KIF11: variants seen among roughly 807,000 people sequenced by gnomAD.
KIF11 encodes the protein kinesin family member 11, also known as kinesin-like protein KIF11.
In KIF11, 9 loss-of-function variants were observed where a neutral mutation model predicts 121.0. The observed-to-expected ratio is 0.07, with a 90% CI of 0.04 to 0.13. The LOEUF (loss-of-function observed/expected upper bound fraction) is 0.13, where lower values mean the gene tolerates loss of function less well. Ranked by LOEUF, KIF11 falls within the 10% of genes least tolerant of loss-of-function variation. The pLI, the probability that KIF11 is intolerant of heterozygous loss-of-function variation, is 1.00. For missense variants in KIF11, 846 were observed against 1,217.5 expected (o/e 0.69, Z 4.54); for synonymous variants, 408 against 421.0 (o/e 0.97, Z 0.38).
At position 92,637,578 on chromosome 10, in the gene KIF11, AAG is replaced by A. The variant is rs755918399; in HGVS notation, c.2160+38_2160+39del. The A allele has an allele frequency of 5.1e-6, 8 of 1,575,568 alleles. No individual in the cohort carries two copies. In the African/African-American group the frequency reaches 5.5e-5, roughly 11 times the overall value. On this transcript the variant is annotated intron_variant, in intron 16 of 21. Transcript: ENST00000260731. The stretch of plus-strand genomic sequence containing the variant: ...GTTTAGCGGACTTGGGGAGTACAGA[AAG>A]AGAGTTTTAGGATGATTTGATATGA...
chr10:92,619,813 T>G (rs1385226863), intron 9 of KIF11, among the ~76,000 whole-genome samples: 1 of 150,648 alleles, frequency 6.6e-6, no homozygotes, highest in East Asian at 1.9e-4. Flanking sequence ...ATATATTGCA[T>G]ATTTATATAT....
At chr10:92,621,891 A>G (rs192430659) in intron 10 of KIF11, among the ~76,000 whole-genome samples, 52 of 152,322 alleles carry the variant, frequency 3.4e-4, no homozygotes, top group Admixed American at 1.8e-3. Flanking sequence ...TAATTTTTAA[A>G]TCATTAATTC....
Position 92,593,291 on chromosome 10 carries a change from C to G in KIF11, c.-85C>G, listed in dbSNP as rs1232433878. 1 of 1,414,770 alleles carries G rather than the reference C, an allele frequency of 7.1e-7. No homozygotes were observed. The highest frequency in any genetic ancestry group is 2.5e-4 in the Middle Eastern group (1 of 4,046). The allele number at this position is 1,414,770 out of a possible 1,614,324, so 87.6% of individuals were successfully genotyped here. ...GCGCCCGAGAGGGACCAGGGAGACT[C>G]CGGCCCCTGTCGGCCGCCAAGCCCC... On this transcript the variant is annotated 5_prime_UTR_variant, in exon 1 of 22. Coordinates refer to ENST00000260731, the MANE Select transcript of KIF11 (RefSeq NM_004523.4).
At position 92,620,705 on chromosome 10, in the gene KIF11, C is replaced by T. The variant is rs146148490; in HGVS notation, c.1129-680C>T. 1.2e-3 allele frequency among the ~76,000 whole-genome samples: 187 copies of T among 152,278 alleles called. 1 individual carries two copies. The highest frequency in any genetic ancestry group is 4.2e-3 in the African/African-American group (175 of 41,554). Reference sequence around the variant, plus strand: ...TCATAATCATGGCGGAAGGCAAGGACGAGCAAGTCACATCTTACGTGGGTG... The same window carrying T: ...TCATAATCATGGCGGAAGGCAAGGATGAGCAAGTCACATCTTACGTGGGTG... On this transcript the variant is annotated intron_variant, in intron 9 of 21. Transcript: ENST00000260731.
intron 1 of KIF11, among the ~76,000 whole-genome samples, chr10:92,597,996 A>C (rs1177766059): frequency 6.6e-6 from 1 of 151,804 alleles, no homozygotes; most frequent in Non-Finnish European, 1.5e-5. Flanking sequence ...TTTATTGCCC[A>C]GACTTGTTGT....
intron 21 of KIF11, among the ~76,000 whole-genome samples, chr10:92,650,902 A>C (rs1589609104): frequency 2.0e-5 from 3 of 152,194 alleles, no homozygotes; most frequent in African/African-American, 7.2e-5. Context: ...AAAGATTGAG[A>C]GACTGGAGGC....
rs142288862 is a variant in KIF11, at chr10:92,614,634, G to T, written c.1032+1015G>T. The stretch of plus-strand genomic sequence containing the variant: ...TTAGAAGCAGGCCAAGTGAATGCTC[G>T]CTAGTGTGGTAGAGGCTGCTTAGAG... On this transcript the variant is annotated intron_variant, in intron 8 of 21. Transcript: ENST00000260731. 3.7e-3 allele frequency among the ~76,000 whole-genome samples: 561 copies of T among 152,230 alleles called. 5 individuals are homozygous for T. Among genetic ancestry groups the T allele is most frequent in the African/African-American group, 0.013 (538 of 41,540 alleles).
chr10:92,631,051 C>T (rs1270839017), intron 12 of KIF11, among the ~76,000 whole-genome samples: 3 of 150,852 alleles, frequency 2.0e-5, no homozygotes, highest in Admixed American at 6.6e-5. Flanking sequence ...TTTGGGAGGC[C>T]GAGGTGGGTG....
intron 1 of KIF11, 91 bp downstream of exon 1, chr10:92,593,543 T>A (rs1395412564): frequency 9.3e-7 from 1 of 1,074,630 alleles, no homozygotes; most frequent in African/African-American, 1.6e-5. Flanking sequence ...TTATTTGCAT[T>A]TCCTGAGGGT....
chr10:92,644,567 C>T (rs1844899710), intron 17 of KIF11, among the ~76,000 whole-genome samples: 1 of 152,038 alleles, frequency 6.6e-6, no homozygotes, highest in Admixed American at 6.5e-5. Context: ...GATCCACCTG[C>T]CTCGGCCTCC....
In KIF11 at chr10:92,648,108, C is replaced by CAAAAAAAAAAAAAAAAAAAA. The variant is rs34357393; in HGVS notation, c.2548-90_2548-89insAAAAAAAAAAAAAAAAAAAA. On this transcript the variant is annotated intron_variant, in intron 18 of 21. Coordinates refer to ENST00000260731, the MANE Select transcript of KIF11 (RefSeq NM_004523.4). Reference sequence around the variant, plus strand: ...TGGGCAACAGAGTGAGACTTGTCTCCAAAAAAAAAAAAAATTATGGAAAAG... The same window carrying CAAAAAAAAAAAAAAAAAAAA: ...TGGGCAACAGAGTGAGACTTGTCTCCAAAAAAAAAAAAAAAAAAAAAAAAAAAAAAAAAATTATGGAAAAG... The CAAAAAAAAAAAAAAAAAAAA allele has an allele frequency of 6.5e-4, 448 of 685,074 alleles. 12 individuals are homozygous for CAAAAAAAAAAAAAAAAAAAA. The African/African-American group carries it at 8.9e-3, about 14-fold the overall frequency. 42.4% of individuals were successfully genotyped at this position (685,074 alleles called of 1,614,324 possible). A position where few individuals can be genotyped will look rare whatever the true frequency, so the allele number is the denominator to read the frequency against.
chr10:92,625,090 T>C (rs1452948269), intron 10 of KIF11, among the ~76,000 whole-genome samples: 1 of 152,018 alleles, frequency 6.6e-6, no homozygotes, highest in Non-Finnish European at 1.5e-5. Context: ...TTTAAGTTCT[T>C]TGAGAAGTCG....
chr10:92,621,269 T>A (rs1014454187), intron 9 of KIF11, 116 bp from the exon 10 acceptor site: 5 of 535,612 alleles, frequency 9.3e-6, no homozygotes, highest in Middle Eastern at 2.8e-4. Flanking sequence ...TTATCATACT[T>A]CTTTAAGTTT....
chr10:92,632,774 G>C (rs1438529640), intron 13 of KIF11, 81 bp downstream of exon 13: 9 of 786,106 alleles, frequency 1.1e-5, no homozygotes, highest in Non-Finnish European at 1.8e-5. Flanking sequence ...GTGAAACATA[G>C]ATGACGGTGT....
Position 92,626,821 on chromosome 10 carries a change from G to A in KIF11, c.1218-1987G>A, listed in dbSNP as rs557703080. Among the ~76,000 whole-genome samples the A allele has an allele frequency of 2.6e-5, 4 of 152,110 alleles. No individual in the cohort carries two copies. The East Asian group carries it at 7.7e-4, about 29-fold the overall frequency. On this transcript the variant is annotated intron_variant, in intron 10 of 21. Transcript: ENST00000260731. ...GTCACCCAGGCTGGAGTGCAGTGGC[G>A]CCATCTTGGCTCACTGCAAGCTCCG...
chr10:92,649,163 G>T (rs992655045), intron 19 of KIF11, among the ~76,000 whole-genome samples: 1 of 151,662 alleles, frequency 6.6e-6, no homozygotes, highest in African/African-American at 2.4e-5. Context: ...AAAGGGGATG[G>T]TGCTACATAG....
chr10:92,597,005 G>C (rs1350430256), intron 1 of KIF11: 2 of 404,428 alleles, frequency 4.9e-6, no homozygotes, highest in Non-Finnish European at 9.9e-6. Context: ...GGTCACATTT[G>C]ATACCCAAAT....
At chr10:92,595,108 G>A (rs992556995) in intron 1 of KIF11, among the ~76,000 whole-genome samples, 1 of 152,180 alleles carries the variant, frequency 6.6e-6, no homozygotes, top group Non-Finnish European at 1.5e-5. Flanking sequence ...CTCTTAGGCC[G>A]TAGTGCAGTG....
Position 92,606,366 on chromosome 10 carries a change from A to C in KIF11, c.179A>C (p.Lys60Thr), listed in dbSNP as rs1298166671. ...GTACGAACTGGAGGATTGGCTGACA[A>C]GAGCTCAAGGAAAACATACACTTTT... ...VSVRTGGLAD[K>T]SSRKTYTFDM... Residue 60 changes from lysine (K) to threonine (T), a missense_variant, in exon 2 of 22, where the codon AAG becomes ACG. Lys to Thr is a moderately conservative substitution (Grantham distance 78). Transcript: ENST00000260731. 6.2e-7 allele frequency: 1 copy of C among 1,611,400 alleles called. No individual in the cohort carries two copies. The highest frequency in any genetic ancestry group is 8.5e-7 in the Non-Finnish European group (1 of 1,179,226).
Sources: allele counts gnomAD v4.1 joint callset (sites outside exome capture counted in the v4.1 genomes callset), GRCh38; gene constraint gnomAD v4.1.1; transcripts MANE v1.5; gene names NCBI Gene and HGNC (gene_info 2026-07-23, HGNC 2026-07-21).